CRIM1: variants seen among roughly 807,000 people sequenced by gnomAD.
The protein encoded by CRIM1 is cysteine rich transmembrane BMP regulator 1.
In CRIM1, 32 loss-of-function variants were observed where a neutral mutation model predicts 116.4. That is an observed-to-expected ratio of 0.27 (90% CI 0.21 to 0.37). The LOEUF (loss-of-function observed/expected upper bound fraction) is 0.37, where lower values mean the gene tolerates loss of function less well. Among genes scored for constraint, CRIM1 ranks in the 10% least tolerant of loss-of-function variants. CRIM1 has a pLI of 1.00. For missense variants in CRIM1, 1,331 were observed against 1,354.8 expected, an observed-to-expected ratio of 0.98 and a Z score of 0.28; for synonymous variants, 590 against 509.2, an observed-to-expected ratio of 1.16 and a Z score of -2.13.
At position 36,441,284 on chromosome 2, in the gene CRIM1, C is replaced by T. The variant is rs1675801553; in HGVS notation, c.532C>T (p.Arg178Cys). The T allele has an allele frequency of 3.1e-6, 5 of 1,614,154 alleles. No individual in the cohort carries two copies. Among genetic ancestry groups the T allele is most frequent in the South Asian group, 1.1e-5 (1 of 91,080 alleles). Residue 178 changes from arginine to cysteine, a missense_variant, in exon 3 of 17, where the codon CGC becomes TGC. Physicochemically the swap from Arg to Cys is radical, Grantham distance 180. Around this residue, in one of 3 missense-constraint regions of CRIM1, gnomAD observed 690 missense variants for 676.0 expected, o/e 1.02. Transcript: ENST00000280527. ...AGAGAAGCCAGATTGCTCCAAGGCC[C>T]GCTGTGAAGTCCAGTTCTCTCCACG... is the stretch of plus-strand genomic sequence containing the variant. Reference protein sequence around the residue: ...EEEKPDCSKARCEVQFSPRCP... With the variant: ...EEEKPDCSKACCEVQFSPRCP...
intron 2 of CRIM1, among the ~76,000 whole-genome samples, chr2:36,405,859 T>A (rs1056001401): frequency 6.6e-6 from 1 of 152,232 alleles, no homozygotes; most frequent in Non-Finnish European, 1.5e-5. Context: ...AAATTAAAAA[T>A]GAAATATTTC....
chr2:36,369,421 T>A (rs1669803950), intron 1 of CRIM1, among the ~76,000 whole-genome samples: 1 of 152,198 alleles, frequency 6.6e-6, no homozygotes, highest in African/African-American at 2.4e-5. Context: ...CCAGCAAGGA[T>A]GAGTGCACAC....
intron 3 of CRIM1, 95 bp from the exon 4 acceptor site, chr2:36,442,520 C>A: frequency 6.7e-7 from 1 of 1,485,584 alleles, no homozygotes; most frequent in Non-Finnish European, 9.3e-7. Context: ...AGCAAGGAGA[C>A]TTTGGACATT....
intron 2 of CRIM1, among the ~76,000 whole-genome samples, chr2:36,421,357 T>G (rs562103256): frequency 4.6e-5 from 7 of 152,336 alleles, no homozygotes; most frequent in African/African-American, 1.4e-4. Flanking sequence ...TTTAAAATGC[T>G]TACTCACTAT....
chr2:36,482,149 C>G (rs964067609), intron 7 of CRIM1, among the ~76,000 whole-genome samples: 1 of 152,132 alleles, frequency 6.6e-6, no homozygotes, highest in Admixed American at 6.5e-5. Flanking sequence ...CTCTCTGTCT[C>G]TTTCATGCTC....
intron 2 of CRIM1, among the ~76,000 whole-genome samples, chr2:36,430,442 A>G (rs919626132): frequency 1.3e-5 from 2 of 152,208 alleles, no homozygotes; most frequent in Admixed American, 6.5e-5. Flanking sequence ...AAAAATACAC[A>G]TTGCAGTATT....
Position 36,441,490 on chromosome 2 carries a change from G to T in CRIM1, c.738G>T (p.Glu246Asp). The change falls in exon 3 of 17, where the codon GAG becomes GAT. Residue 246 changes from glutamate to aspartate, a missense_variant. Around this residue, in one of 3 missense-constraint regions of CRIM1, gnomAD observed 690 missense variants for 676.0 expected, o/e 1.02. Coordinates refer to ENST00000280527, the MANE Select transcript of CRIM1 (RefSeq NM_016441.3). The part of the protein sequence containing the change: ...GKPGECCDLY[E>D]CKPVFGVDCR... Reference sequence around the variant, plus strand: ...CGGGAGAGTGCTGTGACCTCTATGAGTGCAAACCAGGTATGCACGAGCTCT... The same window carrying T: ...CGGGAGAGTGCTGTGACCTCTATGATTGCAAACCAGGTATGCACGAGCTCT... 1 of 1,610,616 alleles carries T rather than the reference G, an allele frequency of 6.2e-7. No individual in the cohort carries two copies. The highest frequency in any genetic ancestry group is 8.5e-7 in the Non-Finnish European group (1 of 1,179,986).
chr2:36,542,729 A>T, intron 14 of CRIM1, among the ~76,000 whole-genome samples: 1 of 152,182 alleles, frequency 6.6e-6, no homozygotes, highest in East Asian at 1.9e-4. Context: ...TGTGTGTGGC[A>T]CTGAAAGGTG....
intron 16 of CRIM1, among the ~76,000 whole-genome samples, chr2:36,547,409 T>G (rs972904223): frequency 1.5e-4 from 23 of 152,300 alleles, no homozygotes; most frequent in African/African-American, 4.6e-4. Context: ...CTTACATGGA[T>G]CCAGTTTTCT....
In CRIM1 at chr2:36,541,851, G is replaced by A. The variant is rs141308859; in HGVS notation, c.2624-2525G>A. Among the ~76,000 whole-genome samples the A allele has an allele frequency of 1.1e-3, 173 of 152,304 alleles. 3 individuals carry two copies. The East Asian group carries it at 0.032, about 28-fold the overall frequency. ...AATACCAGAAGGGTTATATTTTAGAGTCTTGGGTTGAAGGCGGTCTTTGGC... is the reference window on the plus strand; with the variant it reads ...AATACCAGAAGGGTTATATTTTAGAATCTTGGGTTGAAGGCGGTCTTTGGC... On this transcript the variant is annotated intron_variant, in intron 14 of 16. Transcript: ENST00000280527.
rs61605618 is a variant in CRIM1 at position 36,371,091 on chromosome 2, C to T, written c.331+14468C>T. 7.9e-5 allele frequency among the ~76,000 whole-genome samples: 12 copies of T among 152,288 alleles called. No individual in the cohort carries two copies. In the South Asian group the frequency reaches 2.5e-3, roughly 32 times the overall value. On this transcript the variant is annotated intron_variant, in intron 1 of 16. Transcript: ENST00000280527. The stretch of plus-strand genomic sequence containing the variant: ...GTGCAACCAAAGACTTGGCCAGCAA[C>T]TAAGGCCAGCAACTGGAAAATGGGT...
intron 1 of CRIM1, among the ~76,000 whole-genome samples, chr2:36,374,849 G>A (rs1270766396): frequency 8.9e-6 from 1 of 111,916 alleles, no homozygotes; most frequent in Admixed American, 1.0e-4. Flanking sequence ...CATGAGGGCT[G>A]TGGCTCTTGA....
Position 36,548,599 on chromosome 2 carries a change from G to A in CRIM1, c.3009G>A (p.Gln1003=). ...KGTRVQVDSS[Q]RMLRIAEPDA... Reference sequence around the variant, plus strand: ...CCAGAGTCCAGGTGGACAGTTCCCAGAGAATGCTAAGAATTGCAGAACCAG... The same window carrying A: ...CCAGAGTCCAGGTGGACAGTTCCCAAAGAATGCTAAGAATTGCAGAACCAG... The change falls in exon 17 of 17, where the codon CAG becomes CAA. Residue 1003 remains glutamine, a synonymous_variant. Transcript: ENST00000280527. The A allele has an allele frequency of 6.2e-7, 1 of 1,612,824 alleles. No individual in the cohort carries two copies. The highest frequency in any genetic ancestry group is 2.2e-5 in the East Asian group (1 of 44,822).
chr2:36,522,955 GT>G (rs977894291), intron 13 of CRIM1, among the ~76,000 whole-genome samples: 8 of 148,106 alleles, frequency 5.4e-5, no homozygotes, highest in African/African-American at 7.4e-5. Flanking sequence ...TTTTACAGTG[GT>G]TTTTTTTTTC....
Position 36,404,239 on chromosome 2 carries a change from A to G in CRIM1, c.505+7452A>G, listed in dbSNP as rs1459760230. 2.6e-5 allele frequency among the ~76,000 whole-genome samples: 4 copies of G among 152,182 alleles called. No individual in the cohort carries two copies. In the East Asian group the frequency reaches 7.7e-4, roughly 29 times the overall value. On this transcript the variant is annotated intron_variant, in intron 2 of 16. Coordinates refer to ENST00000280527, the MANE Select transcript of CRIM1 (RefSeq NM_016441.3). The stretch of plus-strand genomic sequence containing the variant: ...ATGATATTGAGATGTATAAAATGGA[A>G]TACATTATTTTAATTAATTGTTAAT...
chr2:36,366,137 T>C (rs1669590257), intron 1 of CRIM1, among the ~76,000 whole-genome samples: 1 of 152,246 alleles, frequency 6.6e-6, no homozygotes, highest in African/African-American at 2.4e-5. Context: ...TTAAATTGGC[T>C]ATTGTAGAAC....
At chr2:36,505,124 C>A (rs1681299883) in intron 8 of CRIM1, among the ~76,000 whole-genome samples, 1 of 152,298 alleles carries the variant, frequency 6.6e-6, no homozygotes, top group South Asian at 2.1e-4. Context: ...TAACACCTAT[C>A]AGGGTCAAAA....
At chr2:36,458,040 T>G (rs1438842973) in intron 4 of CRIM1, among the ~76,000 whole-genome samples, 1 of 152,202 alleles carries the variant, frequency 6.6e-6, no homozygotes, top group African/African-American at 2.4e-5. Flanking sequence ...TAGGCGGTCA[T>G]GTCTCCACTT....
At position 36,471,774 on chromosome 2, in the gene CRIM1, T is replaced by G. The variant is rs140066905; in HGVS notation, c.992-5115T>G. Among the ~76,000 whole-genome samples the G allele has an allele frequency of 6.1e-4, 88 of 144,256 alleles. 1 individual carries two copies. The East Asian group carries it at 0.016, about 26-fold the overall frequency. 94.6% of individuals were successfully genotyped at this position (144,256 alleles called of 152,430 possible). Reference sequence around the variant, plus strand: ...ACACACACACACCATCTTACAATGTTTTAAGAAAGTTTGCATTCAAAGCCA... The same window carrying G: ...ACACACACACACCATCTTACAATGTGTTAAGAAAGTTTGCATTCAAAGCCA... On this transcript the variant is annotated intron_variant, in intron 5 of 16. Coordinates refer to ENST00000280527, the MANE Select transcript of CRIM1 (RefSeq NM_016441.3).
Sources: allele counts gnomAD v4.1 joint callset (sites outside exome capture counted in the v4.1 genomes callset), GRCh38; gene constraint gnomAD v4.1.1; regional missense constraint gnomAD v4.1.1; transcripts MANE v1.5; gene names NCBI Gene and HGNC (gene_info 2026-07-23, HGNC 2026-07-21).